Variants in ZPBP observed in about 807,000 individuals in gnomAD.
ZPBP encodes the protein zona pellucida binding protein, also known as zona pellucida-binding protein 1.
A neutral mutation model predicts 44.8 loss-of-function variants in ZPBP; 26 were observed. That is an observed-to-expected ratio of 0.58 (90% CI 0.43 to 0.81). ZPBP has a LOEUF of 0.81. Among genes scored for constraint, ZPBP ranks in the 30% least tolerant of loss-of-function variants. The probability of loss-of-function intolerance (pLI) is 0.00; values close to 1 mark genes in which losing one functional copy is unlikely to be tolerated. For missense variants in ZPBP, 409 were observed against 434.0 expected (o/e 0.94, Z 0.51); for synonymous variants, 174 against 153.2 (o/e 1.14, Z -1.00).
At chr7:49,892,205 C>T (rs1183480938) in intron 2 of ZPBP, among the ~76,000 whole-genome samples, 2 of 151,224 alleles carry the variant, frequency 1.3e-5, no homozygotes, top group Admixed American at 6.6e-5. Context: ...CCATCACGCC[C>T]GGCTAATTTT....
In ZPBP at chr7:49,979,806, C is replaced by A. The variant is rs141777788; in HGVS notation, c.961+3536G>T. Among the ~76,000 whole-genome samples the A allele has an allele frequency of 2.9e-3, 381 of 130,560 alleles. 2 individuals carry two copies. Among genetic ancestry groups the A allele is most frequent in the African/African-American group, 0.01 (356 of 34,940 alleles). The allele number at this position is 130,560 out of a possible 152,430, so 85.7% of individuals were successfully genotyped here. ...TTTCTATGTTTTTCTTTATCCTTATCTGTGTTCTGGAGTTATACATATATA... is the reference window on the plus strand; with the variant it reads ...TTTCTATGTTTTTCTTTATCCTTATATGTGTTCTGGAGTTATACATATATA... On this transcript the variant is annotated intron_variant, in intron 7 of 7. Transcript: ENST00000046087.
At chr7:50,074,947 T>C (rs563373107) in intron 3 of ZPBP, among the ~76,000 whole-genome samples, 6 of 151,870 alleles carry the variant, frequency 4.0e-5, no homozygotes, top group Non-Finnish European at 8.8e-5. Context: ...GACCATTTCA[T>C]CTAAGAGCTG....
intron 1 of ZPBP, among the ~76,000 whole-genome samples, chr7:49,905,404 G>A (rs1793032521): frequency 6.6e-6 from 1 of 152,164 alleles, no homozygotes; most frequent in Admixed American, 6.5e-5. Context: ...AGAGTCATCA[G>A]GGACTAAATA....
intron 6 of ZPBP, among the ~76,000 whole-genome samples, chr7:49,991,115 G>A (rs1040721509): frequency 2.6e-5 from 4 of 152,110 alleles, no homozygotes; most frequent in African/African-American, 4.8e-5. Context: ...ATCAAAAGGG[G>A]TTGGAAAAAT....
At position 49,877,481 on chromosome 7, in the gene ZPBP, A is replaced by AAAAAAATATACATATATATATAT; in HGVS notation, n.509+23636_509+23637insATATATATATATGTATATTTTTT. Reference sequence around the variant, plus strand: ...CTGTCTCAAAAAAAAAAAAAAAAAAAATATATATATATATATATATATATA... The same window carrying AAAAAAATATACATATATATATAT: ...CTGTCTCAAAAAAAAAAAAAAAAAAAAAAAAATATACATATATATATATATATATATATATATATATATATATA... On this transcript the variant is annotated intron_variant and non_coding_transcript_variant, in intron 2 of 2. Transcript: ENST00000465922. 2.7e-3 allele frequency among the ~76,000 whole-genome samples: 35 copies of AAAAAAATATACATATATATATAT among 12,730 alleles called. 12 individuals carry two copies. The highest frequency in any genetic ancestry group is 6.1e-3 in the African/African-American group (22 of 3,604). The allele number at this position is 12,730 out of a possible 152,430, so 8.4% of individuals were successfully genotyped here.
At chr7:50,018,450 A>G (rs1798926710) in intron 5 of ZPBP, 134 bp from the exon 6 acceptor site, 1 of 724,136 alleles carries the variant, frequency 1.4e-6, no homozygotes, top group Non-Finnish European at 2.2e-6. Flanking sequence ...CTAGTGCTAA[A>G]TGACTCTTCA....
intron 2 of ZPBP, among the ~76,000 whole-genome samples, chr7:50,088,302 C>CA (rs781342710): frequency 6.6e-6 from 1 of 151,958 alleles, no homozygotes; most frequent in Non-Finnish European, 1.5e-5. Context: ...GCCTAAATGT[C>CA]AGAGTTAAAA....
At chr7:49,923,338 T>C (rs1453504042) in intron 1 of ZPBP, among the ~76,000 whole-genome samples, 1 of 152,144 alleles carries the variant, frequency 6.6e-6, no homozygotes, top group Non-Finnish European at 1.5e-5. Context: ...ATTATGACAA[T>C]TGTGAATGTT....
intron 7 of ZPBP, among the ~76,000 whole-genome samples, chr7:49,982,342 A>G (rs1419908061): frequency 4.1e-5 from 5 of 121,708 alleles, no homozygotes; most frequent in Non-Finnish European, 8.3e-5. Flanking sequence ...TATATAATAC[A>G]TAATATATAA....
At chr7:50,059,172 G>A (rs1031657964) in intron 3 of ZPBP, among the ~76,000 whole-genome samples, 41 of 152,112 alleles carry the variant, frequency 2.7e-4, no homozygotes, top group East Asian at 1.9e-4. Flanking sequence ...GGAAATAACT[G>A]TCTACCTTTT....
At chr7:49,975,408 A>C (rs1796465914) in intron 7 of ZPBP, among the ~76,000 whole-genome samples, 1 of 151,744 alleles carries the variant, frequency 6.6e-6, no homozygotes, top group Admixed American at 6.6e-5. Context: ...AGGGTTTTGG[A>C]GGGTCAAGGA....
chr7:50,047,813 A>G (rs1800462291), intron 4 of ZPBP, among the ~76,000 whole-genome samples: 1 of 152,156 alleles, frequency 6.6e-6, no homozygotes, highest in South Asian at 2.1e-4. Context: ...AATGTATGGC[A>G]ATATCTCCAT....
chr7:50,073,388 A>G (rs1363818123), intron 3 of ZPBP, among the ~76,000 whole-genome samples: 1 of 152,108 alleles, frequency 6.6e-6, no homozygotes, highest in Non-Finnish European at 1.5e-5. Flanking sequence ...AAAACAGTGA[A>G]GCATTCCAGA....
chr7:49,910,852 G>A (rs565995950), intron 1 of ZPBP, among the ~76,000 whole-genome samples: 11 of 152,290 alleles, frequency 7.2e-5, no homozygotes, highest in Admixed American at 2.0e-4. Flanking sequence ...CACATCACCT[G>A]AGAACTTATC....
intron 2 of ZPBP, among the ~76,000 whole-genome samples, chr7:49,867,839 TA>T (rs1341496283): frequency 8.0e-4 from 65 of 81,274 alleles, no homozygotes; most frequent in East Asian, 9.0e-4. Flanking sequence ...TTTATTATTT[TA>T]TTTTATTTTT....
At chr7:49,869,775 G>T (rs1379369299) in intron 2 of ZPBP, among the ~76,000 whole-genome samples, 1 of 152,090 alleles carries the variant, frequency 6.6e-6, no homozygotes, top group Non-Finnish European at 1.5e-5. Flanking sequence ...AAGAGAATTG[G>T]ATGTGCACGG....
intron 4 of ZPBP, chr7:50,056,461 G>A (rs1800939237): frequency 6.6e-6 from 1 of 152,060 alleles, no homozygotes; most frequent in African/African-American, 2.4e-5. Context: ...GATAATTCAG[G>A]ATAATCTCCT....
At chr7:49,873,731 A>T (rs1469796482) in intron 2 of ZPBP, among the ~76,000 whole-genome samples, 2 of 152,216 alleles carry the variant, frequency 1.3e-5, no homozygotes, top group Non-Finnish European at 2.9e-5. Flanking sequence ...AAACTTCAAC[A>T]TGTATATTTG....
At chr7:49,916,750 C>T (rs1793746187) in intron 1 of ZPBP, 2 of 152,150 alleles carry the variant, frequency 1.3e-5, no homozygotes, top group Non-Finnish European at 2.9e-5. Flanking sequence ...CTAAAAACTC[C>T]CATTACTGTT....
Sources: gnomAD v4.1 joint callset for allele counts (sites outside exome capture counted in the v4.1 genomes callset) on GRCh38, gnomAD v4.1.1 for gene constraint, MANE v1.5 for transcripts, NCBI Gene and HGNC (gene_info 2026-07-23, HGNC 2026-07-21) for gene names.